The following CHN2 variants were observed in gnomAD, a reference collection of about 807,000 sequenced individuals.
The protein encoded by CHN2 is chimerin 2.
Under a neutral mutation model 56.3 loss-of-function variants are expected in CHN2, and 35 were observed. That is an observed-to-expected ratio of 0.62 (90% confidence interval 0.47 to 0.82). The LOEUF (loss-of-function observed/expected upper bound fraction) is 0.82, where lower values mean the gene tolerates loss of function less well. Ranked by LOEUF, CHN2 falls within the 40% of genes least tolerant of loss-of-function variation. The pLI, the probability that CHN2 is intolerant of heterozygous loss-of-function variation, is 0.00. For missense variants in CHN2, 491 were observed against 580.5 expected (o/e 0.85, Z 1.58); for synonymous variants, 210 against 212.8 (o/e 0.99, Z 0.12).
At chr7:29,436,330 G>C (rs1291536954) in intron 6 of CHN2, among the ~76,000 whole-genome samples, 1 of 152,136 alleles carries the variant, frequency 6.6e-6, no homozygotes, top group African/African-American at 2.4e-5. Flanking sequence ...TTTTAAAGTA[G>C]GTAAATTGGC....
chr7:29,266,173 C>T (rs1261820626), intron 1 of CHN2, among the ~76,000 whole-genome samples: 2 of 152,122 alleles, frequency 1.3e-5, no homozygotes, highest in Non-Finnish European at 2.9e-5. Context: ...GAAGAGTTTC[C>T]TAGGAAACTG....
chr7:29,362,136 TC>T (rs1798784719), intron 2 of CHN2, among the ~76,000 whole-genome samples: 1 of 152,140 alleles, frequency 6.6e-6, no homozygotes, highest in South Asian at 2.1e-4. Context: ...ATTTTATAAC[TC>T]CTAGGAGTTT....
rs528127435 is a variant in CHN2 at position 29,331,467 on chromosome 7, T to G, written c.50-23158T>G. On this transcript the variant is annotated intron_variant, in intron 1 of 12. Coordinates refer to ENST00000222792, the MANE Select transcript of CHN2 (RefSeq NM_004067.4). ...CAGTCTGCTGCCTGAACTGCAGCACTGGAGCAAGGAGAGAGCAGTACCTCC... is the reference window on the plus strand; with the variant it reads ...CAGTCTGCTGCCTGAACTGCAGCACGGGAGCAAGGAGAGAGCAGTACCTCC... 3.0e-3 allele frequency among the ~76,000 whole-genome samples: 460 copies of G among 152,282 alleles called. 5 individuals are homozygous for G. Among genetic ancestry groups the G allele is most frequent in the African/African-American group, 0.011 (445 of 41,550 alleles).
chr7:29,203,964 T>C (rs1363542216), intron 1 of CHN2, among the ~76,000 whole-genome samples: 1 of 152,228 alleles, frequency 6.6e-6, no homozygotes, highest in Non-Finnish European at 1.5e-5. Context: ...ACTTCATGTA[T>C]TTTTGTTAGA....
At chr7:29,290,491 G>A (rs534033026) in intron 1 of CHN2, among the ~76,000 whole-genome samples, 1 of 152,234 alleles carries the variant, frequency 6.6e-6, no homozygotes, top group South Asian at 2.1e-4. Flanking sequence ...GCCATCTTAC[G>A]GCTTAGATTC....
chr7:29,461,545 T>C (rs1785162611), intron 6 of CHN2, among the ~76,000 whole-genome samples: 1 of 150,826 alleles, frequency 6.6e-6, no homozygotes, highest in Non-Finnish European at 1.5e-5. Flanking sequence ...ATCTGGAGAA[T>C]AGCCAAAGAC....
intron 2 of CHN2, among the ~76,000 whole-genome samples, chr7:29,186,200 C>G (rs1562815110): frequency 6.6e-6 from 1 of 151,926 alleles, no homozygotes; most frequent in Non-Finnish European, 1.5e-5. Context: ...GTCAGGAGTA[C>G]AAGTCCTATG....
chr7:29,273,962 A>G (rs1371875401), intron 1 of CHN2, among the ~76,000 whole-genome samples: 1 of 152,144 alleles, frequency 6.6e-6, no homozygotes, highest in Non-Finnish European at 1.5e-5. Flanking sequence ...GGTTCCCTAG[A>G]CCATGCTTTG....
At chr7:29,499,639 G>A (rs1789719239) in intron 8 of CHN2, among the ~76,000 whole-genome samples, 1 of 152,126 alleles carries the variant, frequency 6.6e-6, no homozygotes, top group Non-Finnish European at 1.5e-5. Context: ...TGTTCTTAAG[G>A]TCCAGCGACA....
chr7:29,177,560 C>CTT (rs200237886), intron 2 of CHN2, among the ~76,000 whole-genome samples: 89 of 146,798 alleles, frequency 6.1e-4, no homozygotes, highest in Non-Finnish European at 1.0e-3. Context: ...GGCCCCCTCA[C>CTT]TTTTTTTTTT....
At chr7:29,235,714 G>T (rs1236185301) in intron 1 of CHN2, among the ~76,000 whole-genome samples, 3 of 152,198 alleles carry the variant, frequency 2.0e-5, no homozygotes, top group Non-Finnish European at 4.4e-5. Context: ...CCATAAAAAA[G>T]AATGAAATCA....
Position 29,416,774 on chromosome 7 carries a change from G to A in CHN2, c.576+15946G>A, listed in dbSNP as rs544945632. ...TAATCATATGCATATGTATGTATGC[G>A]TGTATATGTGTATGTATATGTATAT... On this transcript the variant is annotated intron_variant, in intron 6 of 12. Transcript: ENST00000222792. 1.0e-4 allele frequency among the ~76,000 whole-genome samples: 15 copies of A among 144,450 alleles called. 1 individual carries two copies. Among genetic ancestry groups the A allele is most frequent in the Non-Finnish European group, 1.4e-4 (9 of 65,422 alleles). 94.8% of individuals were successfully genotyped at this position (144,450 alleles called of 152,430 possible).
chr7:29,164,912 A>G (rs759078624), intron 2 of CHN2, among the ~76,000 whole-genome samples: 5 of 151,786 alleles, frequency 3.3e-5, no homozygotes, highest in Non-Finnish European at 5.9e-5. Flanking sequence ...TTGTATATCT[A>G]TCATTATGAT....
chr7:29,168,416 A>G (rs1052255958), intron 2 of CHN2, among the ~76,000 whole-genome samples: 2 of 152,214 alleles, frequency 1.3e-5, no homozygotes, highest in African/African-American at 4.8e-5. Flanking sequence ...AAAATAGAAT[A>G]TTCTAATAAG....
chr7:29,442,934 CTTTT>C (rs541792526), intron 6 of CHN2, among the ~76,000 whole-genome samples: 2 of 103,064 alleles, frequency 1.9e-5, no homozygotes, highest in Non-Finnish European at 1.8e-5. Flanking sequence ...CATTGAATTT[CTTTT>C]TTTTTTTTTT....
At chr7:29,243,408 T>G (rs577247297) in intron 1 of CHN2, among the ~76,000 whole-genome samples, 2 of 152,316 alleles carry the variant, frequency 1.3e-5, no homozygotes, top group Admixed American at 1.3e-4. Context: ...TTTTCTAAGT[T>G]GAATCAGCTA....
rs531661459 is a variant in CHN2 at position 29,384,829 on chromosome 7, T to G, written c.145-8850T>G. 1.4e-4 allele frequency among the ~76,000 whole-genome samples: 21 copies of G among 152,316 alleles called. No individual in the cohort carries two copies. The East Asian group carries it at 2.1e-3, about 15-fold the overall frequency. ...AGCCACTCCTTCCTGAGAAATCTTC[T>G]GTGACCTGGGAAAGCTGTGAGTGGT... On this transcript the variant is annotated intron_variant, in intron 3 of 12. Transcript: ENST00000222792.
intron 1 of CHN2, among the ~76,000 whole-genome samples, chr7:29,198,726 A>G (rs1033726999): frequency 6.6e-6 from 1 of 152,202 alleles, no homozygotes; most frequent in Non-Finnish European, 1.5e-5. Context: ...CTTAATAATC[A>G]TGGGTTACAT....
chr7:29,401,999 G>C (rs1802249105), intron 6 of CHN2, among the ~76,000 whole-genome samples: 1 of 150,336 alleles, frequency 6.7e-6, no homozygotes, highest in African/African-American at 2.5e-5. Flanking sequence ...GGGACAGATA[G>C]AAATAAGCGG....
Sources: allele counts gnomAD v4.1 joint callset (sites outside exome capture counted in the v4.1 genomes callset), GRCh38; gene constraint gnomAD v4.1.1; transcripts MANE v1.5; gene names NCBI Gene and HGNC (gene_info 2026-07-23, HGNC 2026-07-21).